LHFPL3: variants seen among roughly 807,000 people sequenced by gnomAD.
LHFPL3 encodes LHFPL tetraspan subfamily member 3 protein.
Under a neutral mutation model 19.3 loss-of-function variants are expected in LHFPL3, and 5 were observed. That is an observed-to-expected ratio of 0.26 (90% confidence interval 0.14 to 0.54). The LOEUF is 0.54. LHFPL3 is among the 20% of genes least tolerant of loss of function. LHFPL3 has a pLI of 0.94. For missense variants in LHFPL3, 249 were observed against 307.4 expected, an observed-to-expected ratio of 0.81 and a Z score of 1.42; for synonymous variants, 133 against 126.2, an observed-to-expected ratio of 1.05 and a Z score of -0.36.
chr7:104,795,863 T>C (rs1488475733), intron 2 of LHFPL3, among the ~76,000 whole-genome samples: 1 of 152,210 alleles, frequency 6.6e-6, no homozygotes, highest in Non-Finnish European at 1.5e-5. Context: ...TAAGTTACTT[T>C]GGCATAGCTT....
At chr7:104,787,414 A>G (rs1584533992) in intron 2 of LHFPL3, among the ~76,000 whole-genome samples, 1 of 152,294 alleles carries the variant, frequency 6.6e-6, no homozygotes, top group Middle Eastern at 3.4e-3. Flanking sequence ...TAAACAACAG[A>G]AACTTATTTC....
At chr7:104,570,491 G>T (rs1019735446) in intron 1 of LHFPL3, among the ~76,000 whole-genome samples, 1 of 152,172 alleles carries the variant, frequency 6.6e-6, no homozygotes, top group Non-Finnish European at 1.5e-5. Context: ...GGCATGATTT[G>T]TACATGTCTA....
intron 1 of LHFPL3, among the ~76,000 whole-genome samples, chr7:104,672,632 A>C (rs1792507539): frequency 6.6e-6 from 1 of 152,294 alleles, no homozygotes; most frequent in Non-Finnish European, 1.5e-5. Flanking sequence ...GGGGACTGAC[A>C]TGTGTGTTTC....
At chr7:104,638,544 A>G (rs954168857) in intron 1 of LHFPL3, among the ~76,000 whole-genome samples, 1 of 152,058 alleles carries the variant, frequency 6.6e-6, no homozygotes, top group Non-Finnish European at 1.5e-5. Flanking sequence ...GATGGATCTT[A>G]TTATTTTGAT....
intron 1 of LHFPL3, among the ~76,000 whole-genome samples, chr7:104,664,793 C>G (rs1325325934): frequency 6.6e-6 from 1 of 152,136 alleles, no homozygotes; most frequent in Non-Finnish European, 1.5e-5. Context: ...TTTACTGAAC[C>G]ACCTTGTCCT....
intron 1 of LHFPL3, among the ~76,000 whole-genome samples, chr7:104,562,755 A>G (rs1412771112): frequency 1.4e-4 from 21 of 151,310 alleles, no homozygotes; most frequent in Admixed American, 5.9e-4. Context: ...GAGGAGAGGC[A>G]CTCTGCTTTT....
chr7:104,619,926 T>G (rs980288304), intron 1 of LHFPL3, among the ~76,000 whole-genome samples: 9 of 152,158 alleles, frequency 5.9e-5, no homozygotes, highest in Admixed American at 2.6e-4. Context: ...AGGCATTAGA[T>G]TCTCATAAAG....
chr7:104,654,338 C>G (rs377552448), intron 1 of LHFPL3, among the ~76,000 whole-genome samples: 1 of 152,130 alleles, frequency 6.6e-6, no homozygotes, highest in East Asian at 1.9e-4. Flanking sequence ...AATATTCAGA[C>G]ATATTTCCGT....
At chr7:104,368,543 C>G (rs1373110135) in intron 1 of LHFPL3, among the ~76,000 whole-genome samples, 1 of 152,136 alleles carries the variant, frequency 6.6e-6, no homozygotes, top group Non-Finnish European at 1.5e-5. Flanking sequence ...CTTCTTGGCT[C>G]TTTTATTTCT....
intron 1 of LHFPL3, among the ~76,000 whole-genome samples, chr7:104,546,493 CAAAAG>C (rs1485478715): frequency 6.6e-6 from 1 of 152,096 alleles, no homozygotes; most frequent in Non-Finnish European, 1.5e-5. Context: ...AAAAGACACT[CAAAAG>C]AAAGTCAGAT....
chr7:104,423,273 G>T (rs1006206856), intron 1 of LHFPL3, among the ~76,000 whole-genome samples: 3 of 152,130 alleles, frequency 2.0e-5, no homozygotes, highest in African/African-American at 7.2e-5. Context: ...TGCTATGGAA[G>T]TACATAAGTG....
intron 2 of LHFPL3, among the ~76,000 whole-genome samples, chr7:104,743,288 C>T (rs1793971757): frequency 6.6e-6 from 1 of 152,018 alleles, no homozygotes; most frequent in South Asian, 2.1e-4. Context: ...TGGTCCATGG[C>T]AGAGGAGCCT....
In LHFPL3 at chr7:104,440,651, A is replaced by T. The variant is rs781025528; in HGVS notation, c.445+111427A>T. On this transcript the variant is annotated intron_variant, in intron 1 of 2. Transcript: ENST00000424859. ...AATGAGCCATAGTATTAGGTTAGCC[A>T]TATGAAATTGCTACTCAAACAGCAA... Among the ~76,000 whole-genome samples the T allele has an allele frequency of 3.1e-4, 47 of 152,324 alleles. No individual in the cohort carries two copies. The Middle Eastern group carries it at 0.01, about 33-fold the overall frequency.
intron 1 of LHFPL3, among the ~76,000 whole-genome samples, chr7:104,699,604 G>T (rs1490169999): frequency 6.6e-6 from 1 of 152,142 alleles, no homozygotes; most frequent in Non-Finnish European, 1.5e-5. Flanking sequence ...AGATGAAAAA[G>T]TTCTGGAGGT....
At chr7:104,333,072 T>C (rs1801601659) in intron 1 of LHFPL3, among the ~76,000 whole-genome samples, 1 of 152,178 alleles carries the variant, frequency 6.6e-6, no homozygotes, top group South Asian at 2.1e-4. Flanking sequence ...AAGGGAATTT[T>C]CTTCCCCTGG....
intron 1 of LHFPL3, among the ~76,000 whole-genome samples, chr7:104,584,496 C>T (rs1562941571): frequency 6.6e-6 from 1 of 151,874 alleles, no homozygotes; most frequent in Non-Finnish European, 1.5e-5. Flanking sequence ...ATAGAGATTA[C>T]TTACTTCATC....
intron 1 of LHFPL3, among the ~76,000 whole-genome samples, chr7:104,388,337 T>A (rs1190741225): frequency 6.6e-6 from 1 of 152,166 alleles, no homozygotes; most frequent in African/African-American, 2.4e-5. Context: ...GTAATTCTGT[T>A]TTAAGAGAGA....
chr7:104,688,986 A>G (rs1443628693), intron 1 of LHFPL3, among the ~76,000 whole-genome samples: 1 of 152,188 alleles, frequency 6.6e-6, no homozygotes, highest in African/African-American at 2.4e-5. Context: ...AGGGAGTTAA[A>G]AAAAGTTCTA....
At chr7:104,455,016 G>T (rs181237008) in intron 1 of LHFPL3, among the ~76,000 whole-genome samples, 1 of 152,068 alleles carries the variant, frequency 6.6e-6, no homozygotes, top group Non-Finnish European at 1.5e-5. Context: ...TCAATGAGCC[G>T]GCCTCCTTAT....
Sources: allele counts gnomAD v4.1 joint callset (sites outside exome capture counted in the v4.1 genomes callset), GRCh38; gene constraint gnomAD v4.1.1; transcripts MANE v1.5; gene names NCBI Gene and HGNC (gene_info 2026-07-23, HGNC 2026-07-21).